SNRNP40: variants seen among roughly 807,000 people sequenced by gnomAD.
The protein encoded by SNRNP40 is small nuclear ribonucleoprotein U5 subunit 40, also known as U5 small nuclear ribonucleoprotein 40 kDa protein.
SNRNP40 carries 21 observed loss-of-function variants against 45.8 expected under a neutral mutation model. The observed-to-expected ratio is 0.46, with a 90% CI of 0.32 to 0.66. SNRNP40 has a LOEUF of 0.66. SNRNP40 is among the 30% of genes least tolerant of loss of function. SNRNP40 has a pLI of 0.03. For missense variants in SNRNP40, 344 were observed against 439.1 expected (o/e 0.78, Z 1.94); for synonymous variants, 142 against 163.8 (o/e 0.87, Z 1.01).
intron 8 of SNRNP40, among the ~76,000 whole-genome samples, chr1:31,263,058 CTA>C (rs79739096): frequency 0.2 from 29,710 of 151,588 alleles, 3,533 homozygotes; most frequent in East Asian, 0.47. Context: ...ATGTAAGAGG[CTA>C]TAGAGTTTTA....
At chr1:31,290,679 C>T (rs990339268) in intron 3 of SNRNP40, among the ~76,000 whole-genome samples, 14 of 151,616 alleles carry the variant, frequency 9.2e-5, no homozygotes, top group Non-Finnish European at 8.8e-5. Context: ...AGATCGAGAC[C>T]ATCCTGGCTA....
intron 9 of SNRNP40, among the ~76,000 whole-genome samples, chr1:31,260,438 G>T (rs568397758): frequency 4.5e-4 from 68 of 152,146 alleles, no homozygotes; most frequent in Middle Eastern, 3.4e-3. Flanking sequence ...CAGTCATTTT[G>T]TAAATGTGCT....
chr1:31,283,304 C>A (rs1018849381), intron 4 of SNRNP40, among the ~76,000 whole-genome samples: 6 of 152,114 alleles, frequency 3.9e-5, no homozygotes, highest in Non-Finnish European at 7.4e-5. Flanking sequence ...AAAATTAGTT[C>A]AAAAATTCAC....
Position 31,284,023 on chromosome 1 carries a change from C to T in SNRNP40, c.532-2527G>A, listed in dbSNP as rs144424004. Reference sequence around the variant, plus strand: ...GAGGATGGCTTTAGCCCAGAGTTAGCGACCAGCCTGAGCAACATGGTGATT... The same window carrying T: ...GAGGATGGCTTTAGCCCAGAGTTAGTGACCAGCCTGAGCAACATGGTGATT... On this transcript the variant is annotated intron_variant, in intron 4 of 9. Coordinates refer to ENST00000263694, the MANE Select transcript of SNRNP40 (RefSeq NM_004814.3). Among the ~76,000 whole-genome samples, 47 of 152,208 alleles carry T rather than the reference C, an allele frequency of 3.1e-4. No homozygotes were observed. The East Asian group carries it at 7.3e-3, about 24-fold the overall frequency.
At chr1:31,288,521 G>C (rs1215880835) in intron 4 of SNRNP40, among the ~76,000 whole-genome samples, 1 of 152,126 alleles carries the variant, frequency 6.6e-6, no homozygotes, top group Admixed American at 6.5e-5. Flanking sequence ...CAGATTCTTT[G>C]GGTATTTTTA....
chr1:31,285,261 T>C lies in SNRNP40; in HGVS notation c.532-3765A>G, dbSNP rs111874291. Among the ~76,000 whole-genome samples, 1,124 of 138,488 alleles carry C rather than the reference T, an allele frequency of 8.1e-3. 23 individuals are homozygous for C. Among genetic ancestry groups the C allele is most frequent in the African/African-American group, 0.028 (1,055 of 37,538 alleles). The allele number at this position is 138,488 out of a possible 152,430, so 90.9% of individuals were successfully genotyped here. On this transcript the variant is annotated intron_variant, in intron 4 of 9. Coordinates refer to ENST00000263694, the MANE Select transcript of SNRNP40 (RefSeq NM_004814.3). ...TATCACCTTTTTTTTTTTTTTGAGA[T>C]GGGAGTCTCACTCTGTCTGTTGCTC...
intron 7 of SNRNP40, 84 bp downstream of exon 7, chr1:31,269,074 C>A (rs1569639559): frequency 8.1e-7 from 1 of 1,233,038 alleles, no homozygotes; most frequent in East Asian, 2.5e-5. Flanking sequence ...CTTAGCAGAG[C>A]TACTGCTCTC....
chr1:31,265,657 G>A (rs1343785509), intron 8 of SNRNP40, among the ~76,000 whole-genome samples: 2 of 152,198 alleles, frequency 1.3e-5, no homozygotes, highest in East Asian at 1.9e-4. Flanking sequence ...TGGCTAACAC[G>A]GTGAAACTCC....
chr1:31,283,658 A>C (rs1376680533), intron 4 of SNRNP40, among the ~76,000 whole-genome samples: 2 of 152,216 alleles, frequency 1.3e-5, no homozygotes, highest in Admixed American at 1.3e-4. Flanking sequence ...AAGTCACTAA[A>C]CAAACAACTA....
At chr1:31,280,170 C>CTT (rs35154603) in intron 5 of SNRNP40, among the ~76,000 whole-genome samples, 40 of 127,276 alleles carry the variant, frequency 3.1e-4, no homozygotes, top group South Asian at 2.1e-3. Flanking sequence ...ATATTCCTTT[C>CTT]TTTTTTTTTT....
In SNRNP40 at chr1:31,281,463, T is replaced by A. The variant is rs372167725; in HGVS notation, c.565A>T (p.Thr189Ser). ...WDIRKKAAIQ[T>S]FQNTYQVLAV... ...AACACCTGGTACGTGTTCTGAAATG[T>A]CTGGATGGCTGCTTTCTTCCGGATG... is the stretch of plus-strand genomic sequence containing the variant. The change falls in exon 5 of 10, where the codon ACA (threonine) becomes TCA (serine). Residue 189 changes from threonine to serine, a missense_variant. Physicochemically the swap from Thr to Ser is moderately conservative, Grantham distance 58. Transcript: ENST00000263694. 6.2e-7 allele frequency: 1 copy of A among 1,608,340 alleles called. No individual in the cohort carries two copies. The highest frequency in any genetic ancestry group is 8.5e-7 in the Non-Finnish European group (1 of 1,174,998).
chr1:31,292,426 T>C (rs1337761059), intron 2 of SNRNP40, among the ~76,000 whole-genome samples: 4 of 152,150 alleles, frequency 2.6e-5, no homozygotes, highest in African/African-American at 9.7e-5. Flanking sequence ...ATTAAGCCTA[T>C]CAATAATTCA....
intron 8 of SNRNP40, among the ~76,000 whole-genome samples, 158 bp downstream of exon 8, chr1:31,267,713 T>G (rs1327327352): frequency 6.6e-6 from 1 of 152,164 alleles, no homozygotes; most frequent in Admixed American, 6.5e-5. Context: ...TTTTGTATTT[T>G]TAGTAGGGAT....
chr1:31,269,458 C>A (rs1645922547), intron 6 of SNRNP40: 2 of 1,163,016 alleles, frequency 1.7e-6, no homozygotes, highest in African/African-American at 1.6e-5. Flanking sequence ...GCTGAGGGGG[C>A]AGGAAGGAAA....
intron 5 of SNRNP40, among the ~76,000 whole-genome samples, chr1:31,280,738 C>T (rs899162496): frequency 2.0e-5 from 3 of 151,882 alleles, no homozygotes; most frequent in African/African-American, 7.3e-5. Context: ...CTCATTTAAT[C>T]CCCACAATGG....
chr1:31,279,816 GACT>G (rs1646002748), intron 5 of SNRNP40, among the ~76,000 whole-genome samples: 1 of 150,884 alleles, frequency 6.6e-6, no homozygotes, highest in African/African-American at 2.4e-5. Context: ...ACATTTAAAG[GACT>G]ACCTTTAGGC....
chr1:31,269,918 T>C (rs528328139), intron 6 of SNRNP40, among the ~76,000 whole-genome samples: 31 of 152,320 alleles, frequency 2.0e-4, no homozygotes, highest in African/African-American at 7.0e-4. Context: ...ACTGATATGA[T>C]TGAGATGGAG....
intron 6 of SNRNP40, 25 bp downstream of exon 6, chr1:31,271,354 G>A (rs760131974): frequency 7.3e-5 from 117 of 1,598,680 alleles, no homozygotes; most frequent in Non-Finnish European, 9.7e-5. Context: ...TTGGATCCTG[G>A]GAGAGATTTC....
In SNRNP40 at chr1:31,269,162, T is replaced by G. The variant is rs1645919906; in HGVS notation, c.854A>C (p.Glu285Ala). 6.2e-7 allele frequency: 1 copy of G among 1,600,820 alleles called. No homozygotes were observed. The highest frequency in any genetic ancestry group is 8.5e-7 in the Non-Finnish European group (1 of 1,174,948). Residue 285 changes from glutamate (E) to alanine (A), a missense_variant, in exon 7 of 10, where the codon GAA (glutamate) becomes GCA (alanine). Glu to Ala is a moderately radical substitution (Grantham distance 107). Around this residue, in one of 2 missense-constraint regions of SNRNP40, gnomAD observed 254 missense variants for 380.2 expected, o/e 0.67. Coordinates refer to ENST00000263694, the MANE Select transcript of SNRNP40 (RefSeq NM_004814.3). ...KIFQGNVHNF[E>A]KNLLRCSWSP... ...CCTCTGCCATGCAGAACTCACCTTT[T>G]CAAAGTTGTGCACATTTCCTTGAAA... is the stretch of plus-strand genomic sequence containing the variant.
Sources: gnomAD v4.1 joint callset for allele counts (sites outside exome capture counted in the v4.1 genomes callset) on GRCh38, gnomAD v4.1.1 for gene constraint, gnomAD v4.1.1 regional missense constraint, MANE v1.5 for transcripts, NCBI Gene and HGNC (gene_info 2026-07-23, HGNC 2026-07-21) for gene names.